Variants in CLDN18 observed in about 807,000 individuals in gnomAD.
CLDN18 encodes claudin-18.
In CLDN18, 20 loss-of-function variants were observed where a neutral mutation model predicts 25.0. The observed-to-expected ratio is 0.80, with a 90% CI of 0.56 to 1.16. CLDN18 has a LOEUF of 1.16. Ranked by LOEUF, CLDN18 falls within the 50% of genes most tolerant of loss-of-function variation. The pLI, the probability that CLDN18 is intolerant of heterozygous loss-of-function variation, is 0.00. For synonymous variants in CLDN18, 125 were observed against 135.6 expected, an observed-to-expected ratio of 0.92 and a Z score of 0.54; for missense variants, 297 against 345.4, an observed-to-expected ratio of 0.86 and a Z score of 1.11.
chr3:138,031,146 C>G lies in CLDN18; in HGVS notation c.*5C>G. 6.3e-7 allele frequency: 1 copy of G among 1,597,624 alleles called. No individual in the cohort carries two copies. The highest frequency in any genetic ancestry group is 8.6e-7 in the Non-Finnish European group (1 of 1,168,212). On this transcript the variant is annotated 3_prime_UTR_variant, in exon 5 of 5. Transcript: ENST00000183605. ...TCCAAGCACGACTATGTGTAATGCT[C>G]TAAGACCTCTCAGCACGGGCGGAAG...
At chr3:138,004,340 T>C (rs1942046254) in intron 1 of CLDN18, among the ~76,000 whole-genome samples, 1 of 152,146 alleles carries the variant, frequency 6.6e-6, no homozygotes, top group African/African-American at 2.4e-5. Context: ...CATACAGGCG[T>C]TCTTCAGAGC....
intron 1 of CLDN18, among the ~76,000 whole-genome samples, chr3:138,003,064 T>G (rs1360420900): frequency 6.6e-6 from 1 of 152,110 alleles, no homozygotes; most frequent in Non-Finnish European, 1.5e-5. Context: ...CAGTAAACAG[T>G]CTCAACGTCA....
intron 1 of CLDN18, 25 bp downstream of exon 1, chr3:138,010,470 G>C: frequency 1.2e-6 from 2 of 1,612,308 alleles, no homozygotes; most frequent in Non-Finnish European, 1.7e-6. Context: ...CCCCGGGGTA[G>C]AGCCAGGTGA....
At chr3:138,022,693 G>A (rs1942284723) in intron 1 of CLDN18, among the ~76,000 whole-genome samples, 1 of 152,152 alleles carries the variant, frequency 6.6e-6, no homozygotes, top group Non-Finnish European at 1.5e-5. Context: ...CACACTAGGG[G>A]CCTTGCCTTC....
chr3:138,026,012 G>C (rs1048087074), intron 3 of CLDN18, among the ~76,000 whole-genome samples: 1 of 152,104 alleles, frequency 6.6e-6, no homozygotes, highest in Non-Finnish European at 1.5e-5. Context: ...ATTCTGAAAG[G>C]CCTCCTGAAC....
At chr3:138,014,465 A>G (rs75695545) in intron 1 of CLDN18, among the ~76,000 whole-genome samples, 2,126 of 151,976 alleles carry the variant, frequency 0.014, 39 homozygotes, top group African/African-American at 0.048. Context: ...CCAGCATGGC[A>G]CACAACAAGC....
At chr3:138,014,981 A>T (rs1277853628) in intron 1 of CLDN18, among the ~76,000 whole-genome samples, 2 of 152,094 alleles carry the variant, frequency 1.3e-5, no homozygotes, top group Non-Finnish European at 2.9e-5. Context: ...AAAATTTTTT[A>T]AAACTAGCTG....
chr3:138,028,008 T>C (rs1281802018), intron 3 of CLDN18, among the ~76,000 whole-genome samples: 1 of 152,162 alleles, frequency 6.6e-6, no homozygotes, highest in Non-Finnish European at 1.5e-5. Flanking sequence ...CAGTCAACTA[T>C]ACTTGATCAT....
At chr3:137,999,567 A>G (rs1941993607) in intron 1 of CLDN18, among the ~76,000 whole-genome samples, 1 of 152,154 alleles carries the variant, frequency 6.6e-6, no homozygotes, top group Admixed American at 6.5e-5. Context: ...CGGGCAGAGG[A>G]AAAAGGCAGA....
At chr3:138,007,962 A>T (rs1302562039), upstream of CLDN18, among the ~76,000 whole-genome samples, 6 of 152,120 alleles carry the variant, frequency 3.9e-5, no homozygotes, top group Non-Finnish European at 8.8e-5. Flanking sequence ...TTACCCTCTT[A>T]TTTTAGGCTT....
At chr3:138,017,945 C>A (rs1233800897) in intron 1 of CLDN18, among the ~76,000 whole-genome samples, 1 of 152,104 alleles carries the variant, frequency 6.6e-6, no homozygotes, top group Admixed American at 6.5e-5. Flanking sequence ...AAGCTAGGAA[C>A]CAGAATGCCT....
chr3:138,015,258 GC>G (rs1302348896), intron 1 of CLDN18, among the ~76,000 whole-genome samples: 1 of 152,178 alleles, frequency 6.6e-6, no homozygotes. Context: ...AGATAAAACA[GC>G]CCGAGATGAC....
chr3:138,018,270 T>G (rs1173457643), intron 1 of CLDN18, among the ~76,000 whole-genome samples: 3 of 152,172 alleles, frequency 2.0e-5, no homozygotes, highest in Non-Finnish European at 1.5e-5. Context: ...ATAGTGCCTT[T>G]TGTTGTGTCC....
intron 1 of CLDN18, among the ~76,000 whole-genome samples, chr3:138,016,851 C>T (rs771687074): frequency 7.9e-5 from 12 of 152,080 alleles, no homozygotes; most frequent in African/African-American, 2.7e-4. Context: ...GTCAGGATTT[C>T]GAGACCAGCC....
Position 138,024,620 on chromosome 3 carries a change from T to C in CLDN18, c.399T>C (p.Ile133=), listed in dbSNP as rs1942303966. The change falls in exon 3 of 5, where the codon ATT becomes ATC. Residue 133 remains isoleucine (I), a synonymous_variant. Transcript: ENST00000183605. The part of the protein sequence containing the change: ...IMFIVSGLCA[I]AGVSVFANML... ...CTTTGCCCACAGGTCTTTGTGCAAT[T>C]GCTGGAGTGTCTGTGTTTGCCAACA... is the stretch of plus-strand genomic sequence containing the variant. 1.2e-6 allele frequency: 2 copies of C among 1,610,428 alleles called. No individual in the cohort carries two copies. Among genetic ancestry groups the C allele is most frequent in the East Asian group, 2.2e-5 (1 of 44,870 alleles).
At chr3:138,006,137 C>T (rs1190310433), upstream of CLDN18, among the ~76,000 whole-genome samples, 2 of 152,094 alleles carry the variant, frequency 1.3e-5, no homozygotes, top group African/African-American at 4.8e-5. Context: ...GCAATTTGTT[C>T]AAATTCTCTC....
At chr3:138,021,722 G>C (rs1395366108) in intron 1 of CLDN18, among the ~76,000 whole-genome samples, 1 of 152,144 alleles carries the variant, frequency 6.6e-6, no homozygotes, top group East Asian at 1.9e-4. Flanking sequence ...CCACACTGTG[G>C]AATGCGATGT....
Position 138,031,117 on chromosome 3 carries a change from T to C in CLDN18, c.762T>C (p.Tyr254=). 6.2e-7 allele frequency: 1 copy of C among 1,613,770 alleles called. No individual in the cohort carries two copies. Among genetic ancestry groups the C allele is most frequent in the Non-Finnish European group, 8.5e-7 (1 of 1,179,972 alleles). The change falls in exon 5 of 5, where the codon TAT becomes TAC. Residue 254 remains tyrosine, a synonymous_variant. Coordinates refer to ENST00000183605, the MANE Select transcript of CLDN18 (RefSeq NM_016369.4). Reference sequence around the variant, plus strand: ...GCACAGAGGACGAGGTACAATCTTATCCTTCCAAGCACGACTATGTGTAAT... The same window carrying C: ...GCACAGAGGACGAGGTACAATCTTACCCTTCCAAGCACGACTATGTGTAAT... ...GARTEDEVQS[Y]PSKHDYV is the part of the protein sequence containing the mutation.
chr3:138,020,715 T>A (rs1234822295), intron 1 of CLDN18, among the ~76,000 whole-genome samples: 1 of 152,220 alleles, frequency 6.6e-6, no homozygotes, highest in African/African-American at 2.4e-5. Context: ...CATTTATAAA[T>A]AATCTACCAG....
Sources: allele counts gnomAD v4.1 joint callset (sites outside exome capture counted in the v4.1 genomes callset), GRCh38; gene constraint gnomAD v4.1.1; transcripts MANE v1.5; gene names NCBI Gene and HGNC (gene_info 2026-07-23, HGNC 2026-07-21).